DLGAP1: variants seen among roughly 807,000 people sequenced by gnomAD.
DLGAP1 encodes the protein DLG associated protein 1, also known as disks large-associated protein 1.
A neutral mutation model predicts 90.8 loss-of-function variants in DLGAP1; 11 were observed. That is an observed-to-expected ratio of 0.12 (90% CI 0.08 to 0.20). The LOEUF (loss-of-function observed/expected upper bound fraction) is 0.20, where lower values mean the gene tolerates loss of function less well. DLGAP1 is among the 10% of genes least tolerant of loss of function. The pLI, the probability that DLGAP1 is intolerant of heterozygous loss-of-function variation, is 1.00. For synonymous variants in DLGAP1, 558 were observed against 540.7 expected, an observed-to-expected ratio of 1.03 and a Z score of -0.44; for missense variants, 1,050 against 1,333.8, an observed-to-expected ratio of 0.79 and a Z score of 3.31.
intron 4 of DLGAP1, among the ~76,000 whole-genome samples, chr18:3,849,952 T>C (rs902548373): frequency 2.0e-5 from 3 of 152,228 alleles, no homozygotes; most frequent in Admixed American, 6.5e-5. Context: ...TTAGTACTAG[T>C]GGTCTTGTTT....
intron 1 of DLGAP1, among the ~76,000 whole-genome samples, chr18:4,369,846 G>A (rs1460602022): frequency 6.6e-6 from 1 of 151,158 alleles, no homozygotes; most frequent in Non-Finnish European, 1.5e-5. Context: ...AAAAGGCGGG[G>A]GGAAGAAAAG....
chr18:4,364,976 T>C (rs1421899626), intron 1 of DLGAP1, among the ~76,000 whole-genome samples: 2 of 152,204 alleles, frequency 1.3e-5, no homozygotes, highest in African/African-American at 2.4e-5. Context: ...TTGAGTGAAT[T>C]TCTTAGTCTT....
intron 4 of DLGAP1, among the ~76,000 whole-genome samples, chr18:3,864,683 C>T (rs1431945785): frequency 6.6e-6 from 1 of 152,126 alleles, no homozygotes; most frequent in Non-Finnish European, 1.5e-5. Flanking sequence ...TTCTGATAGA[C>T]TTCCGAAGTC....
intron 2 of DLGAP1, among the ~76,000 whole-genome samples, chr18:4,021,980 C>T (rs909510217): frequency 3.9e-5 from 6 of 152,150 alleles, no homozygotes; most frequent in East Asian, 3.9e-4. Context: ...ACTGCAGTAA[C>T]TGTAAGGAGG....
chr18:3,752,311 C>T (rs1327981251), intron 5 of DLGAP1, among the ~76,000 whole-genome samples: 2 of 152,028 alleles, frequency 1.3e-5, no homozygotes, highest in Admixed American at 6.6e-5. Flanking sequence ...AATTTTAGAA[C>T]ATTTTCATCA....
At chr18:4,020,205 G>T (rs997279832) in intron 2 of DLGAP1, among the ~76,000 whole-genome samples, 29 of 152,164 alleles carry the variant, frequency 1.9e-4, no homozygotes, top group Non-Finnish European at 8.8e-5. Context: ...GAGGGGTATT[G>T]TGAGGCATGT....
At chr18:3,890,287 A>G (rs2071426546) in intron 3 of DLGAP1, among the ~76,000 whole-genome samples, 1 of 152,230 alleles carries the variant, frequency 6.6e-6, no homozygotes, top group African/African-American at 2.4e-5. Flanking sequence ...CTTTTTGAAA[A>G]CTATCATCAG....
rs565513954 is a variant in DLGAP1 at position 3,567,868 on chromosome 18, T to C, written c.1966-287A>G. Among the ~76,000 whole-genome samples, 4 of 152,306 alleles carry C rather than the reference T, an allele frequency of 2.6e-5. No homozygotes were observed. In the East Asian group the frequency reaches 7.7e-4, roughly 29 times the overall value. Reference sequence around the variant, plus strand: ...CTTAAGTATCTTACTGTAAATACTATATTAGAAGGGAATCTACATGGAAAT... The same window carrying C: ...CTTAAGTATCTTACTGTAAATACTACATTAGAAGGGAATCTACATGGAAAT... On this transcript the variant is annotated intron_variant, in intron 8 of 12. Coordinates refer to ENST00000315677, the MANE Select transcript of DLGAP1 (RefSeq NM_004746.4).
At chr18:4,131,792 G>A (rs958307001) in intron 2 of DLGAP1, among the ~76,000 whole-genome samples, 7 of 152,278 alleles carry the variant, frequency 4.6e-5, no homozygotes, top group African/African-American at 1.7e-4. Flanking sequence ...AAGTGATAGC[G>A]TAAAGAAATC....
chr18:4,428,599 C>T (rs2083209305), intron 1 of DLGAP1, among the ~76,000 whole-genome samples: 1 of 151,910 alleles, frequency 6.6e-6, no homozygotes, highest in Non-Finnish European at 1.5e-5. Context: ...GTGTGTAGCA[C>T]CTCCCCCGTC....
At chr18:4,356,107 C>T (rs1373099950) in intron 1 of DLGAP1, among the ~76,000 whole-genome samples, 3 of 151,842 alleles carry the variant, frequency 2.0e-5, no homozygotes, top group African/African-American at 4.8e-5. Context: ...GGAAGTGCAC[C>T]GTAGTCAGTT....
chr18:3,716,601 A>T (rs12964575), intron 7 of DLGAP1, among the ~76,000 whole-genome samples: 42,242 of 152,010 alleles, frequency 0.28, 6,634 homozygotes, highest in South Asian at 0.36. Flanking sequence ...AAACTAAAGT[A>T]TAAGGAGAAA....
intron 4 of DLGAP1, among the ~76,000 whole-genome samples, chr18:3,828,337 A>G (rs1417659614): frequency 6.6e-6 from 1 of 152,186 alleles, no homozygotes; most frequent in Non-Finnish European, 1.5e-5. Context: ...TGGTGTTCAA[A>G]ACATTTTTAA....
chr18:3,716,298 C>G (rs1320638507), intron 7 of DLGAP1, among the ~76,000 whole-genome samples: 2 of 152,198 alleles, frequency 1.3e-5, no homozygotes, highest in Non-Finnish European at 2.9e-5. Context: ...CCTGTAATCC[C>G]AGCATTTTGG....
chr18:3,803,365 T>C (rs1309869166), intron 5 of DLGAP1, among the ~76,000 whole-genome samples: 1 of 152,170 alleles, frequency 6.6e-6, no homozygotes, highest in Admixed American at 6.5e-5. Flanking sequence ...AGCTTGGCTT[T>C]TCAAACCCAG....
At chr18:3,822,519 C>A (rs963653554) in intron 4 of DLGAP1, among the ~76,000 whole-genome samples, 1 of 152,152 alleles carries the variant, frequency 6.6e-6, no homozygotes, top group Admixed American at 6.5e-5. Flanking sequence ...AGGAAGGAAA[C>A]GAGTAAAGAG....
intron 4 of DLGAP1, among the ~76,000 whole-genome samples, chr18:3,841,622 C>G (rs2068722658): frequency 6.6e-6 from 1 of 152,148 alleles, no homozygotes; most frequent in Non-Finnish European, 1.5e-5. Context: ...TACATGACAA[C>G]TTGAGCCTCA....
At chr18:4,149,662 G>A (rs1044775613) in intron 2 of DLGAP1, among the ~76,000 whole-genome samples, 9 of 152,178 alleles carry the variant, frequency 5.9e-5, no homozygotes, top group Admixed American at 2.6e-4. Context: ...GATCAGTGGC[G>A]GCATTAAATT....
At chr18:4,437,885 T>G (rs771950061) in intron 1 of DLGAP1, among the ~76,000 whole-genome samples, 2 of 152,104 alleles carry the variant, frequency 1.3e-5, no homozygotes, top group Non-Finnish European at 2.9e-5. Context: ...AGGAATTAAC[T>G]TATAACATAT....
Sources: allele counts gnomAD v4.1 joint callset (sites outside exome capture counted in the v4.1 genomes callset), GRCh38; gene constraint gnomAD v4.1.1; transcripts MANE v1.5; gene names NCBI Gene and HGNC (gene_info 2026-07-23, HGNC 2026-07-21).